ZNF346: variants seen among roughly 807,000 people sequenced by gnomAD.
ZNF346 encodes zinc finger protein 346.
Under a neutral mutation model 33.7 loss-of-function variants are expected in ZNF346, and 23 were observed. The ratio of observed to expected loss-of-function variants is 0.68; its 90% CI spans 0.49 to 0.97. ZNF346 has a LOEUF of 0.97. Among genes scored for constraint, ZNF346 ranks in the 50% least tolerant of loss-of-function variants. ZNF346 has a pLI of 0.00. For synonymous variants in ZNF346, 134 were observed against 142.4 expected, an observed-to-expected ratio of 0.94 and a Z score of 0.42; for missense variants, 340 against 371.1, an observed-to-expected ratio of 0.92 and a Z score of 0.69.
At chr5:177,035,633 CTTTT>C (rs57259759) in intron 1 of ZNF346, among the ~76,000 whole-genome samples, 12,814 of 102,050 alleles carry the variant, frequency 0.13, 1,605 homozygotes, top group African/African-American at 0.38. Context: ...GGCTAATTGA[CTTTT>C]TTTTTTTTTT....
rs894329014 is a variant in ZNF346, at chr5:177,067,789, T to C, written c.*3190T>C. On this transcript the variant is annotated 3_prime_UTR_variant, in exon 7 of 7. Transcript: ENST00000358149. ...AGCATTTCATCTGCATAACAACCTT[T>C]GAGCTAAGAGTTAATATTCCATATA... Among the ~76,000 whole-genome samples the C allele has an allele frequency of 2.0e-5, 3 of 152,088 alleles. No individual in the cohort carries two copies. Among genetic ancestry groups the C allele is most frequent in the Non-Finnish European group, 4.4e-5 (3 of 68,026 alleles).
At chr5:177,080,791 G>A (rs920492777) in exon 9 of ZNF346, 2 of 152,118 alleles carry the variant, frequency 1.3e-5, no homozygotes, top group African/African-American at 4.8e-5. Flanking sequence ...CTGAGCGACA[G>A]AGTAAGACTC....
intron 4 of ZNF346, among the ~76,000 whole-genome samples, chr5:177,046,660 A>G (rs180731331): frequency 2.0e-4 from 30 of 152,304 alleles, no homozygotes; most frequent in Admixed American, 1.6e-3. Flanking sequence ...CCATAATTTT[A>G]CCATTCACAG....
At chr5:177,072,202 T>A (rs574451676), downstream of ZNF346, among the ~76,000 whole-genome samples, 10 of 152,298 alleles carry the variant, frequency 6.6e-5, no homozygotes, top group Middle Eastern at 3.4e-3. Flanking sequence ...TTGCAGAGCT[T>A]ACACAACCAA....
intron 4 of ZNF346, among the ~76,000 whole-genome samples, chr5:177,045,984 A>G (rs1488008240): frequency 6.6e-6 from 1 of 152,126 alleles, no homozygotes; most frequent in African/African-American, 2.4e-5. Context: ...TTGTGAGGAT[A>G]CAATAATGTG....
chr5:177,047,241 G>T (rs1780182772), intron 4 of ZNF346, among the ~76,000 whole-genome samples: 1 of 151,704 alleles, frequency 6.6e-6, no homozygotes, highest in African/African-American at 2.4e-5. Context: ...TAGAGACGGG[G>T]TTTCACTATG....
chr5:177,062,324 C>T (rs1011740339), intron 6 of ZNF346, among the ~76,000 whole-genome samples, 173 bp downstream of exon 6: 11 of 152,188 alleles, frequency 7.2e-5, no homozygotes, highest in African/African-American at 2.4e-4. Flanking sequence ...TATTTCTCCA[C>T]CAGCTTCTGC....
chr5:177,070,618 AATAGTGCCTTACACATG>A (rs777268244), downstream of ZNF346, among the ~76,000 whole-genome samples: 11 of 152,220 alleles, frequency 7.2e-5, no homozygotes, highest in Non-Finnish European at 1.6e-4. Flanking sequence ...GATATGAAAT[AATAGTGCCTTACACATG>A]ATAAATGCTA....
At chr5:177,030,092 T>G (rs1028642876) in intron 1 of ZNF346, among the ~76,000 whole-genome samples, 2 of 152,134 alleles carry the variant, frequency 1.3e-5, no homozygotes, top group South Asian at 4.2e-4. Context: ...ATAAACTGAG[T>G]TTTTTTTCTC....
At chr5:177,031,998 C>CTTTTTTTTTTTTTTTTTTTTT (rs34021834) in intron 1 of ZNF346, among the ~76,000 whole-genome samples, 6 of 67,840 alleles carry the variant, frequency 8.8e-5, no homozygotes, top group East Asian at 6.1e-4. Flanking sequence ...TTTCTTTTTT[C>CTTTTTTTTTTTTTTTTTTTTT]TTTTTTTTTT....
chr5:177,080,799 C>T (rs931908085), exon 9 of ZNF346: 4 of 152,126 alleles, frequency 2.6e-5, no homozygotes, highest in African/African-American at 9.7e-5. Context: ...CAGAGTAAGA[C>T]TCTGTCTCCA....
rs142487303 is a variant in ZNF346, at chr5:177,045,113, G to A, written c.517+580G>A. The stretch of plus-strand genomic sequence containing the variant: ...GAAATAGCCCCCTTTATCTCGTCAC[G>A]ACTAGGGCTCAGCCCTCACTTTCAT... On this transcript the variant is annotated intron_variant, in intron 4 of 6. Coordinates refer to ENST00000358149, the MANE Select transcript of ZNF346 (RefSeq NM_012279.4). 2.5e-3 allele frequency among the ~76,000 whole-genome samples: 381 copies of A among 152,248 alleles called. 6 individuals carry two copies. The highest frequency in any genetic ancestry group is 8.6e-3 in the African/African-American group (357 of 41,544).
At chr5:177,035,416 T>C (rs991908930) in intron 1 of ZNF346, among the ~76,000 whole-genome samples, 1 of 152,046 alleles carries the variant, frequency 6.6e-6, no homozygotes, top group Non-Finnish European at 1.5e-5. Flanking sequence ...GCAGATATCA[T>C]GGCAAAAAGG....
intron 5 of ZNF346, among the ~76,000 whole-genome samples, chr5:177,057,797 CTTAT>C (rs200388195): frequency 0.03 from 3,949 of 133,252 alleles, 84 homozygotes; most frequent in Middle Eastern, 0.049. Flanking sequence ...CATAGATTTT[CTTAT>C]TTATTTATTT....
At position 177,064,592 on chromosome 5, in the gene ZNF346, A is replaced by G; in HGVS notation, c.878A>G (p.Glu293Gly). The change falls in exon 7 of 7, where the codon GAA becomes GGA. Residue 293 changes from glutamate to glycine, a missense_variant. By Grantham distance (98) the Glu-to-Gly change is moderately conservative. Coordinates refer to ENST00000358149, the MANE Select transcript of ZNF346 (RefSeq NM_012279.4). The part of the protein sequence containing the change: ...QPIQKDSTTL[E>G]D ...ATTCAGAAAGACTCAACCACCTTGG[A>G]AGACTAGAGGTGATTCTGCCCAGCA... 6.2e-7 allele frequency: 1 copy of G among 1,613,722 alleles called. No homozygotes were observed. The highest frequency in any genetic ancestry group is 1.7e-4 in the Middle Eastern group (1 of 6,060).
intron 1 of ZNF346, among the ~76,000 whole-genome samples, chr5:177,027,834 G>A (rs1475531643): frequency 1.3e-5 from 2 of 150,714 alleles, no homozygotes; most frequent in African/African-American, 2.4e-5. Context: ...TTAAATAGAG[G>A]GTCTTGCTCT....
chr5:177,041,768 GT>G lies in ZNF346; in HGVS notation c.280-5del, dbSNP rs757310849. On this transcript the variant is annotated splice_polypyrimidine_tract_variant and intron_variant, in intron 2 of 6. Transcript: ENST00000358149. ...TGGCTATCTTTGATCTTTCTCCTGG[GT>G]TTTTGCAGAGCAAAAAACATGCCAA... 3.8e-6 allele frequency: 6 copies of G among 1,591,568 alleles called. No homozygotes were observed. Among genetic ancestry groups the G allele is most frequent in the Non-Finnish European group, 5.2e-6 (6 of 1,160,080 alleles).
intron 1 of ZNF346, chr5:177,023,279 G>A (rs1009225757): frequency 3.0e-6 from 4 of 1,346,090 alleles, no homozygotes; most frequent in Non-Finnish European, 4.1e-6. Flanking sequence ...ACTCCCCATC[G>A]TCCCAATCTC....
At chr5:177,030,469 A>C (rs1198323152) in intron 1 of ZNF346, among the ~76,000 whole-genome samples, 2 of 151,928 alleles carry the variant, frequency 1.3e-5, no homozygotes, top group Non-Finnish European at 2.9e-5. Context: ...AAATACAAAA[A>C]TTAGCCGGGC....
Sources: gnomAD v4.1 joint callset for allele counts (sites outside exome capture counted in the v4.1 genomes callset) on GRCh38, gnomAD v4.1.1 for gene constraint, MANE v1.5 for transcripts, NCBI Gene and HGNC (gene_info 2026-07-23, HGNC 2026-07-21) for gene names.